The following CADM2 variants were observed in gnomAD, a reference collection of about 807,000 sequenced individuals.
CADM2 encodes the protein immunoglobulin superfamily member 4D.
In CADM2, 12 loss-of-function variants were observed where a neutral mutation model predicts 49.8. The observed-to-expected ratio is 0.24, with a 90% CI of 0.15 to 0.39. The LOEUF (loss-of-function observed/expected upper bound fraction) is 0.39. Ranked by LOEUF, CADM2 falls within the 10% of genes least tolerant of loss-of-function variation. The pLI, the probability that CADM2 is intolerant of heterozygous loss-of-function variation, is 1.00. For missense variants in CADM2, 378 were observed against 492.3 expected, an observed-to-expected ratio of 0.77 and a Z score of 2.20; for synonymous variants, 214 against 175.4, an observed-to-expected ratio of 1.22 and a Z score of -1.74.
intron 5 of CADM2, among the ~76,000 whole-genome samples, chr3:85,899,503 G>C (rs565969017): frequency 6.6e-4 from 101 of 152,056 alleles, no homozygotes; most frequent in African/African-American, 2.4e-3. Flanking sequence ...CAGCATTTTC[G>C]TGCTTCTTTG....
At chr3:85,788,336 A>G (rs2108020581) in intron 2 of CADM2, among the ~76,000 whole-genome samples, 1 of 152,232 alleles carries the variant, frequency 6.6e-6, no homozygotes. Context: ...CATATGTTGG[A>G]TATCACTTTC....
chr3:85,052,104 A>G (rs1383486125), intron 1 of CADM2, among the ~76,000 whole-genome samples: 4 of 152,266 alleles, frequency 2.6e-5, no homozygotes, highest in Non-Finnish European at 4.4e-5. Flanking sequence ...TGATATGACA[A>G]TACTTTCCCT....
At chr3:85,655,824 G>A (rs1171935354) in intron 1 of CADM2, among the ~76,000 whole-genome samples, 1 of 152,182 alleles carries the variant, frequency 6.6e-6, no homozygotes, top group Non-Finnish European at 1.5e-5. Context: ...CTTAGTAGGT[G>A]TGAGATAGAA....
intron 1 of CADM2, among the ~76,000 whole-genome samples, chr3:84,986,890 A>G (rs998103180): frequency 6.6e-6 from 1 of 151,614 alleles, no homozygotes; most frequent in African/African-American, 2.4e-5. Flanking sequence ...CGTCTCTACT[A>G]AAAATACAAA....
chr3:84,976,562 T>A (rs183528509), intron 1 of CADM2, among the ~76,000 whole-genome samples: 1 of 151,968 alleles, frequency 6.6e-6, no homozygotes, highest in African/African-American at 2.4e-5. Context: ...TTGGTGATAA[T>A]CTGGTGATTA....
intron 1 of CADM2, among the ~76,000 whole-genome samples, chr3:85,348,254 AG>A (rs548426834): frequency 1.2e-3 from 187 of 152,284 alleles, no homozygotes; most frequent in African/African-American, 4.2e-3. Flanking sequence ...ACTCTAGGAA[AG>A]GCCATGCTTA....
chr3:85,717,944 A>G (rs2107757176), intron 1 of CADM2, among the ~76,000 whole-genome samples: 1 of 152,068 alleles, frequency 6.6e-6, no homozygotes, highest in Admixed American at 6.5e-5. Context: ...AATTTTTTGT[A>G]TTTTTAGTAG....
chr3:85,784,061 C>T (rs529645474), intron 2 of CADM2, among the ~76,000 whole-genome samples: 8 of 152,278 alleles, frequency 5.3e-5, no homozygotes, highest in Admixed American at 2.0e-4. Flanking sequence ...CGTGCATGCA[C>T]GCTATCTCAC....
At chr3:85,817,458 T>A (rs2073281068) in intron 3 of CADM2, among the ~76,000 whole-genome samples, 1 of 142,064 alleles carries the variant, frequency 7.0e-6, no homozygotes, top group African/African-American at 2.6e-5. Flanking sequence ...GAATGGGCTA[T>A]CTCTAAATAG....
intron 1 of CADM2, among the ~76,000 whole-genome samples, chr3:85,150,483 A>G (rs879199718): frequency 3.3e-5 from 5 of 152,160 alleles, no homozygotes; most frequent in African/African-American, 1.2e-4. Context: ...TTTTTTTCCA[A>G]TGAAGACCAA....
chr3:86,032,116 G>T (rs1023536013), intron 8 of CADM2, among the ~76,000 whole-genome samples: 1 of 151,508 alleles, frequency 6.6e-6, no homozygotes, highest in Admixed American at 6.6e-5. Context: ...ATTTAGGGAT[G>T]GACACTGATT....
chr3:85,151,222 T>C (rs2039912909), intron 1 of CADM2, among the ~76,000 whole-genome samples: 1 of 152,110 alleles, frequency 6.6e-6, no homozygotes, highest in Non-Finnish European at 1.5e-5. Flanking sequence ...ATTCTCCTCA[T>C]AACTTGTTCA....
intron 1 of CADM2, among the ~76,000 whole-genome samples, chr3:85,259,819 A>G (rs1454046113): frequency 6.6e-6 from 1 of 152,056 alleles, no homozygotes; most frequent in Non-Finnish European, 1.5e-5. Flanking sequence ...TAGATTTCCA[A>G]TCTGATTATG....
At chr3:85,037,490 T>G (rs1261910848) in intron 1 of CADM2, among the ~76,000 whole-genome samples, 1 of 152,226 alleles carries the variant, frequency 6.6e-6, no homozygotes, top group African/African-American at 2.4e-5. Context: ...TCTATTTCTG[T>G]TCTTAGTTGC....
chr3:85,809,706 T>C (rs1045820532), intron 3 of CADM2, among the ~76,000 whole-genome samples: 2 of 125,900 alleles, frequency 1.6e-5, no homozygotes, highest in Non-Finnish European at 3.4e-5. Context: ...CTTCCTTCCT[T>C]CCTTCCTTCC....
intron 8 of CADM2, among the ~76,000 whole-genome samples, chr3:86,059,289 T>C (rs866967611): frequency 6.6e-6 from 1 of 152,110 alleles, no homozygotes; most frequent in Non-Finnish European, 1.5e-5. Flanking sequence ...AATTACATTA[T>C]GTAGGATTTC....
At chr3:85,346,774 A>T (rs565742271) in intron 1 of CADM2, among the ~76,000 whole-genome samples, 3 of 152,170 alleles carry the variant, frequency 2.0e-5, no homozygotes, top group Non-Finnish European at 4.4e-5. Flanking sequence ...AGATGTGGGG[A>T]TATTACAGTA....
intron 1 of CADM2, among the ~76,000 whole-genome samples, chr3:85,446,604 G>GTTTTTTTTTTTTTTTTTTTTTTTTGT (rs5850688): frequency 7.6e-6 from 1 of 132,016 alleles, no homozygotes; most frequent in Non-Finnish European, 1.6e-5. Context: ...TTTGTTTTTT[G>GTTTTTTTTTTTTTTTTTTTTTTTTGT]TTTTTTTTTT....
chr3:85,415,418 C>CCAA (rs2035873859), intron 1 of CADM2, among the ~76,000 whole-genome samples: 1 of 33,982 alleles, frequency 2.9e-5, no homozygotes, highest in African/African-American at 8.7e-5. Flanking sequence ...CCAGCTTTTG[C>CCAA]CAAAAAAAAA....
Sources: gnomAD v4.1 joint callset for allele counts (sites outside exome capture counted in the v4.1 genomes callset) on GRCh38, gnomAD v4.1.1 for gene constraint, MANE v1.5 for transcripts, NCBI Gene and HGNC (gene_info 2026-07-23, HGNC 2026-07-21) for gene names.